Variants in NRP2 observed in about 807,000 individuals in gnomAD.
NRP2 encodes neuropilin 2.
Under a neutral mutation model 110.4 loss-of-function variants are expected in NRP2, and 52 were observed. The ratio of observed to expected loss-of-function variants is 0.47; its 90% confidence interval spans 0.38 to 0.59. NRP2 has a LOEUF of 0.59. NRP2 is among the 20% of genes least tolerant of loss of function. The probability of loss-of-function intolerance (pLI) is 0.00; values close to 1 mark genes in which losing one functional copy is unlikely to be tolerated. For synonymous variants in NRP2, 508 were observed against 468.9 expected (o/e 1.08, Z -1.08); for missense variants, 1,049 against 1,203.0 (o/e 0.87, Z 1.89).
chr2:205,768,034 A>G (rs183452502), intron 15 of NRP2: 9 of 152,414 alleles, frequency 5.9e-5, no homozygotes, highest in Admixed American at 5.9e-4. Flanking sequence ...AAATCATCTC[A>G]CCCAATTTGC....
chr2:205,771,313 C>T (rs935894631), intron 15 of NRP2, among the ~76,000 whole-genome samples: 2 of 152,172 alleles, frequency 1.3e-5, no homozygotes, highest in Admixed American at 6.5e-5. Context: ...CATCAGAGGG[C>T]GTGACCACAT....
At position 205,786,484 on chromosome 2, in the gene NRP2, C is replaced by T. The variant is rs533596842; in HGVS notation, c.2426-5751C>T. On this transcript the variant is annotated intron_variant, in intron 15 of 16. Transcript: ENST00000357785. The stretch of plus-strand genomic sequence containing the variant: ...AGCCCCCAAACAAGGTGTTGAAAAT[C>T]TATGGCTTACTCTCAGTTCTACTGC... Among the ~76,000 whole-genome samples, 3 of 152,324 alleles carry T rather than the reference C, an allele frequency of 2.0e-5. No individual in the cohort carries two copies. In the South Asian group the frequency reaches 6.2e-4, roughly 32 times the overall value.
chr2:205,794,903 G>T lies in NRP2; in HGVS notation c.2626G>T (p.Ala876Ser), dbSNP rs772371327. The T allele has an allele frequency of 6.2e-7, 1 of 1,614,146 alleles. No homozygotes were observed. The highest frequency in any genetic ancestry group is 1.1e-5 in the South Asian group (1 of 91,084). Residue 876 changes from alanine (A) to serine (S), a missense_variant, in exon 17 of 17, where the codon GCC becomes TCC. Ala to Ser is a moderately conservative substitution (Grantham distance 99, BLOSUM62 1). Transcript: ENST00000357785. ...GAGCTCACTGGGCGTCCTCCTGGGG[G>T]CCACCTGTGCAGGCCTCCTGCTCTA... ...AMSSLGVLLG[A>S]TCAGLLLYCT...
intron 3 of NRP2, chr2:205,722,168 C>CA: frequency 4.7e-5 from 17 of 361,402 alleles, no homozygotes; most frequent in Non-Finnish European, 5.7e-5. Flanking sequence ...CTCTCTCTCT[C>CA]TCATACACAC....
At chr2:205,700,560 A>G (rs2056531225) in intron 2 of NRP2, 1 of 339,018 alleles carries the variant, frequency 2.9e-6, no homozygotes, top group Non-Finnish European at 5.9e-6. Flanking sequence ...CCCTGATATG[A>G]AAGAATTTAT....
At chr2:205,751,663 C>T (rs1334752828) in intron 11 of NRP2, among the ~76,000 whole-genome samples, 1 of 152,130 alleles carries the variant, frequency 6.6e-6, no homozygotes, top group Non-Finnish European at 1.5e-5. Flanking sequence ...GCCAGCAGTG[C>T]CCTGCCCCCC....
At chr2:205,777,122 G>C in intron 15 of NRP2, 1 of 986,966 alleles carries the variant, frequency 1.0e-6, no homozygotes, top group Non-Finnish European at 1.2e-6. Context: ...TTGTTTACTT[G>C]GAGAAGAGAT....
chr2:205,690,738 C>T (rs1217018398), intron 1 of NRP2, among the ~76,000 whole-genome samples: 1 of 151,856 alleles, frequency 6.6e-6, no homozygotes, highest in African/African-American at 2.4e-5. Flanking sequence ...CGAGATTGTG[C>T]CACTGCACTC....
chr2:205,776,116 C>T, intron 15 of NRP2: 2 of 905,204 alleles, frequency 2.2e-6, no homozygotes, highest in Non-Finnish European at 3.7e-6. Flanking sequence ...GACTGAGTAC[C>T]ACCTTAGTCC....
chr2:205,772,361 T>C (rs778039076), intron 15 of NRP2, among the ~76,000 whole-genome samples: 1 of 152,244 alleles, frequency 6.6e-6, no homozygotes, highest in Non-Finnish European at 1.5e-5. Context: ...TTTTCTCCCA[T>C]GCCTGGTTTC....
intron 3 of NRP2, among the ~76,000 whole-genome samples, chr2:205,716,953 A>T (rs904155078): frequency 3.3e-5 from 5 of 152,230 alleles, no homozygotes; most frequent in Admixed American, 3.3e-4. Context: ...TGACTCCCTG[A>T]AAAGCAATCA....
intron 15 of NRP2, chr2:205,776,072 T>C: frequency 2.6e-6 from 2 of 771,304 alleles, no homozygotes; most frequent in East Asian, 4.9e-5. Context: ...TAGGAAATAA[T>C]GCAATCGTTG....
At chr2:205,764,686 G>A (rs1292073091) in intron 13 of NRP2, among the ~76,000 whole-genome samples, 4 of 152,182 alleles carry the variant, frequency 2.6e-5, no homozygotes, top group Admixed American at 6.5e-5. Context: ...TGGGGAGGGC[G>A]AGCATGAGAA....
At chr2:205,789,960 C>A (rs1292286764) in intron 15 of NRP2, among the ~76,000 whole-genome samples, 2 of 152,142 alleles carry the variant, frequency 1.3e-5, no homozygotes. Flanking sequence ...TACAAATGTT[C>A]CCTTTATTTG....
intron 11 of NRP2, chr2:205,752,544 G>A (rs1051809317): frequency 2.1e-5 from 9 of 425,028 alleles, no homozygotes; most frequent in Non-Finnish European, 3.5e-5. Flanking sequence ...TCTGCTCTCC[G>A]AGGTGGACAG....
Position 205,735,516 on chromosome 2 carries a change from AGAAT to A in NRP2, c.1147-4998_1147-4995del, listed in dbSNP as rs971870364. On this transcript the variant is annotated intron_variant, in intron 7 of 16. Transcript: ENST00000357785. ...ATAGAATATATTCTATATAATATAT[AGAAT>A]GAATATATTCTATAATATATATTAC... is the stretch of plus-strand genomic sequence containing the variant. 1.7e-4 allele frequency among the ~76,000 whole-genome samples: 25 copies of A among 146,334 alleles called. 1 individual carries two copies. The highest frequency in any genetic ancestry group is 6.3e-4 in the South Asian group (3 of 4,764).
At chr2:205,721,214 A>G in intron 3 of NRP2, among the ~76,000 whole-genome samples, 1 of 152,166 alleles carries the variant, frequency 6.6e-6, no homozygotes, top group East Asian at 1.9e-4. Flanking sequence ...GTGTATTGAC[A>G]TCACCTAGTT....
chr2:205,776,077 T>G, intron 15 of NRP2: 1 of 778,296 alleles, frequency 1.3e-6, no homozygotes, highest in Non-Finnish European at 2.3e-6. Flanking sequence ...AATAATGCAA[T>G]CGTTGAGAAG....
At chr2:205,775,068 T>C (rs74182375) in intron 15 of NRP2, among the ~76,000 whole-genome samples, 1 of 152,204 alleles carries the variant, frequency 6.6e-6, no homozygotes, top group South Asian at 2.1e-4. Flanking sequence ...ATGGCTCCCC[T>C]GCTGGGGCAC....
Sources: gnomAD v4.1 joint callset for allele counts (sites outside exome capture counted in the v4.1 genomes callset) on GRCh38, gnomAD v4.1.1 for gene constraint, MANE v1.5 for transcripts, NCBI Gene and HGNC (gene_info 2026-07-23, HGNC 2026-07-21) for gene names.